Variants in TSR2 observed in about 807,000 individuals in gnomAD.
TSR2 encodes TSR2 ribosome maturation factor.
TSR2 carries 1 observed loss-of-function variant against 13.3 expected under a neutral mutation model. The ratio of observed to expected loss-of-function variants is 0.08; its 90% CI spans 0.03 to 0.36. TSR2 has a LOEUF of 0.36. Ranked by LOEUF, TSR2 falls within the 10% of genes least tolerant of loss-of-function variation. The pLI is 0.99. For synonymous variants in TSR2, 60 were observed against 57.7 expected, an observed-to-expected ratio of 1.04 and a Z score of -0.18; for missense variants, 120 against 151.1, an observed-to-expected ratio of 0.79 and a Z score of 1.08.
rs1922168723 is a variant in TSR2, at chrX:54,446,218, C to T, written c.*1668C>T. On this transcript the variant is annotated 3_prime_UTR_variant, in exon 5 of 5. Coordinates refer to ENST00000375151, the MANE Select transcript of TSR2 (RefSeq NM_058163.3). ...GTCCTCAGACAGTGTGGGCCCCGGG[C>T]AGAACGTGTCCCCTCGGCCCGCCCG... 1 of 1,211,862 alleles carries T rather than the reference C, an allele frequency of 8.3e-7. No homozygotes were observed. The highest frequency in any genetic ancestry group is 3.0e-5 in the East Asian group (1 of 33,844).
intron 3 of TSR2, 111 bp from the exon 4 acceptor site, chrX:54,443,897 T>A: frequency 9.4e-7 from 1 of 1,065,682 alleles, no homozygotes; most frequent in Non-Finnish European, 1.3e-6. Flanking sequence ...AGGAAAGAGC[T>A]CTGTTCTCTT....
rs781075991 is a variant in TSR2, at chrX:54,440,444, C to T, written c.23C>T (p.Ala8Val). MAGAAED[A>V]RALFRAGVCA... The stretch of plus-strand genomic sequence containing the variant: ...ATAATGGCGGGCGCTGCAGAAGATG[C>T]GCGAGCTCTTTTCCGGGCTGGGGTC... Residue 8 changes from alanine to valine, a missense_variant, in exon 1 of 5, where the codon GCG becomes GTG. By Grantham distance (64) the Ala-to-Val change is moderately conservative (BLOSUM62 0). Around this residue, in one of 3 missense-constraint regions of TSR2, gnomAD observed 53 missense variants for 52.3 expected, o/e 1.01. Coordinates refer to ENST00000375151, the MANE Select transcript of TSR2 (RefSeq NM_058163.3). 1.8e-6 allele frequency: 2 copies of T among 1,127,660 alleles called. No homozygotes were observed. Among genetic ancestry groups the T allele is most frequent in the Non-Finnish European group, 2.3e-6 (2 of 857,866 alleles). 92.9% of individuals were successfully genotyped at this position (1,127,660 alleles called of 1,213,427 possible). A position where few individuals can be genotyped will look rare whatever the true frequency, so the allele number is the denominator to read the frequency against.
Position 54,443,452 on chromosome X carries a change from C to T in TSR2, c.225C>T (p.Asn75=), listed in dbSNP as rs72620346. 143 of 1,205,562 alleles carry T rather than the reference C, an allele frequency of 1.2e-4. No homozygotes were observed. Among genetic ancestry groups the T allele is most frequent in the East Asian group, 6.9e-4 (23 of 33,448 alleles). ...ACTTCCTTGGAGAGCTGTTGACCAA[C>T]GAGTTTGATACAGTTGTGGAAGACG... ...VEDFLGELLT[N]EFDTVVEDGS... The change falls in exon 3 of 5, where the codon AAC becomes AAT. Residue 75 remains asparagine, a synonymous_variant. Transcript: ENST00000375151.
chrX:54,445,993 G>A lies in TSR2; in HGVS notation c.*1443G>A, dbSNP rs1175850817. ...CAAGACCCAGCATTCGGGATTGAAA[G>A]TGCCCGTGATGGGAGTTCAAGTATT... is the stretch of plus-strand genomic sequence containing the variant. On this transcript the variant is annotated 3_prime_UTR_variant, in exon 5 of 5. Transcript: ENST00000375151. The A allele has an allele frequency of 3.8e-6, 2 of 529,200 alleles. No individual in the cohort carries two copies. The highest frequency in any genetic ancestry group is 6.2e-6 in the Non-Finnish European group (2 of 325,193). The allele number at this position is 529,200 out of a possible 1,213,427, so 43.6% of individuals were successfully genotyped here.
chrX:54,444,199 C>T lies in TSR2; in HGVS notation c.441+15C>T. On this transcript the variant is annotated intron_variant, in intron 4 of 4. Coordinates refer to ENST00000375151, the MANE Select transcript of TSR2 (RefSeq NM_058163.3). The stretch of plus-strand genomic sequence containing the variant: ...AAGAGATGGAGGTGAAGTGGGTGCC[C>T]CCTGGGTTGGGGGATACAGATGTTT... 8.3e-7 allele frequency: 1 copy of T among 1,198,648 alleles called. No homozygotes were observed. Among genetic ancestry groups the T allele is most frequent in the Non-Finnish European group, 1.1e-6 (1 of 887,286 alleles).
intron 2 of TSR2, 117 bp from the exon 3 acceptor site, chrX:54,443,283 T>C: frequency 2.0e-6 from 1 of 505,476 alleles, no homozygotes; most frequent in South Asian, 3.0e-5. Flanking sequence ...GATAAAAGGC[T>C]CACTGTGCCT....
At chrX:54,442,983 G>A (rs1258430055) in intron 2 of TSR2, among the ~76,000 whole-genome samples, 1 of 111,515 alleles carries the variant, frequency 9.0e-6, no homozygotes, top group African/African-American at 3.3e-5. Context: ...AGAAAACTGA[G>A]GCTCAGAAAG....
chrX:54,446,431 CAG>C lies in TSR2; in HGVS notation c.*1884_*1885del. On this transcript the variant is annotated 3_prime_UTR_variant, in exon 5 of 5. Coordinates refer to ENST00000375151, the MANE Select transcript of TSR2 (RefSeq NM_058163.3). The stretch of plus-strand genomic sequence containing the variant: ...TTTCACATCCTGGCGGGAGGAGGGA[CAG>C]AGCTGGGGCCACCTTGGGGCTAGAC... 3 of 1,202,046 alleles carry C rather than the reference CAG, an allele frequency of 2.5e-6. No individual in the cohort carries two copies. The highest frequency in any genetic ancestry group is 3.4e-6 in the Non-Finnish European group (3 of 889,655).
chrX:54,442,702 CAG>C (rs1319593806), intron 2 of TSR2, among the ~76,000 whole-genome samples: 1 of 111,667 alleles, frequency 9.0e-6, no homozygotes, highest in East Asian at 2.8e-4. Context: ...GTGGCTCAGT[CAG>C]AGTCACACAG....
chrX:54,446,121 T>C lies in TSR2; in HGVS notation c.*1571T>C. On this transcript the variant is annotated 3_prime_UTR_variant, in exon 5 of 5. Coordinates refer to ENST00000375151, the MANE Select transcript of TSR2 (RefSeq NM_058163.3). ...TGTCCCAAACCCTCTAGGTCTTGTC[T>C]CGGGTCTGGGGGGATTCGGGGGGTT... is the stretch of plus-strand genomic sequence containing the variant. 1 of 1,207,882 alleles carries C rather than the reference T, an allele frequency of 8.3e-7. No individual in the cohort carries two copies. The highest frequency in any genetic ancestry group is 1.1e-6 in the Non-Finnish European group (1 of 893,790).
chrX:54,447,425 G>A lies in TSR2; in HGVS notation c.*2875G>A, dbSNP rs376823676. On this transcript the variant is annotated 3_prime_UTR_variant, in exon 5 of 5. Coordinates refer to ENST00000375151, the MANE Select transcript of TSR2 (RefSeq NM_058163.3). ...TGTAGTGCAGGAAGCTGCAGATGAC[G>A]CTGTTCTCTGCAGCCACTGAGGCCT... 3.6e-5 allele frequency: 43 copies of A among 1,208,924 alleles called. No homozygotes were observed. The highest frequency in any genetic ancestry group is 2.7e-4 in the East Asian group (9 of 33,759).
rs374472583 is a variant in TSR2 at position 54,440,774 on chromosome X, C to A, written c.166C>A (p.Arg56Ser). The A allele has an allele frequency of 2.5e-6, 3 of 1,187,671 alleles. No homozygotes were observed. Among genetic ancestry groups the A allele is most frequent in the Non-Finnish European group, 1.1e-6 (1 of 883,242 alleles). ...LGGAVEDYFM[R>S]NADLELDEVE... is the part of the protein sequence containing the mutation. The stretch of plus-strand genomic sequence containing the variant: ...GGGTGCAGTGGAGGATTACTTCATG[C>A]GCAATGGTGAGTGAATGTGAGGCGC... The change falls in exon 2 of 5, where the codon CGC (arginine) becomes AGC (serine). Residue 56 changes from arginine (R) to serine (S), a missense_variant. By Grantham distance (110) the Arg-to-Ser change is moderately radical. Coordinates refer to ENST00000375151, the MANE Select transcript of TSR2 (RefSeq NM_058163.3).
Position 54,447,513 on chromosome X carries a change from G to C in TSR2, c.*2963G>C. On this transcript the variant is annotated 3_prime_UTR_variant, in exon 5 of 5. Transcript: ENST00000375151. The stretch of plus-strand genomic sequence containing the variant: ...AGAAGGCCTAGCCTGGCTCCTCCTA[G>C]CTTTAATACCTCCTCAGTGTAGGGA... 9.0e-7 allele frequency: 1 copy of C among 1,109,601 alleles called. No individual in the cohort carries two copies. The allele number at this position is 1,109,601 out of a possible 1,213,427, so 91.4% of individuals were successfully genotyped here. A position where few individuals can be genotyped will look rare whatever the true frequency, so the allele number is the denominator to read the frequency against.
At position 54,440,491 on chromosome X, in the gene TSR2, C is replaced by G. The variant is rs1433316113; in HGVS notation, c.70C>G (p.Pro24Ala). The G allele has an allele frequency of 8.8e-7, 1 of 1,137,368 alleles. No individual in the cohort carries two copies. Among genetic ancestry groups the G allele is most frequent in the Non-Finnish European group, 1.2e-6 (1 of 861,783 alleles). 93.7% of individuals were successfully genotyped at this position (1,137,368 alleles called of 1,213,427 possible). ...AGVCAALEAW[P>A]ALQIAVENGF... ...GGTCTGCGCGGCCCTGGAGGCCTGG[C>G]CGGCCTTGCAGGTCAGTGGGGCCAG... is the stretch of plus-strand genomic sequence containing the variant. The change falls in exon 1 of 5, where the codon CCG becomes GCG. Residue 24 changes from proline to alanine, a missense_variant. This residue lies in a region of TSR2 where 53 missense variants were observed against 52.3 expected (regional missense o/e 1.01). Coordinates refer to ENST00000375151, the MANE Select transcript of TSR2 (RefSeq NM_058163.3).
Position 54,440,830 on chromosome X carries a change from G to A in TSR2, c.172+50G>A, listed in dbSNP as rs367997153. The A allele has an allele frequency of 1.6e-5, 16 of 999,018 alleles. No homozygotes were observed. In the African/African-American group the frequency reaches 2.9e-4, roughly 18 times the overall value. The allele number at this position is 999,018 out of a possible 1,213,427, so 82.3% of individuals were successfully genotyped here. The stretch of plus-strand genomic sequence containing the variant: ...CCCGCCTGTGTGGGGGTGTGGAGAG[G>A]AGGAGCCCCATCCCGCAGAGCCTGC... On this transcript the variant is annotated intron_variant, in intron 2 of 4. Transcript: ENST00000375151.
In TSR2 at chrX:54,444,564, G is replaced by C. The variant is rs1280863240; in HGVS notation, c.*14G>C. On this transcript the variant is annotated 3_prime_UTR_variant, in exon 5 of 5. Transcript: ENST00000375151. ...AGAAAAAAATGAGTGGGGATGATTGGAAATGGCTTTGGGCCCTTATTTGCT... is the reference window on the plus strand; with the variant it reads ...AGAAAAAAATGAGTGGGGATGATTGCAAATGGCTTTGGGCCCTTATTTGCT... 8.3e-7 allele frequency: 1 copy of C among 1,208,242 alleles called. No individual in the cohort carries two copies. Among genetic ancestry groups the C allele is most frequent in the South Asian group, 1.8e-5 (1 of 56,427 alleles).
At position 54,447,013 on chromosome X, in the gene TSR2, T is replaced by G. The variant is rs1466109896; in HGVS notation, c.*2463T>G. ...TGCTGGGATTACAGGCGTGAGCCACTGCGCTCGGTCCCATCTGCATACTCT... is the reference window on the plus strand; with the variant it reads ...TGCTGGGATTACAGGCGTGAGCCACGGCGCTCGGTCCCATCTGCATACTCT... On this transcript the variant is annotated 3_prime_UTR_variant, in exon 5 of 5. Transcript: ENST00000375151. Among the ~76,000 whole-genome samples, 1 of 111,462 alleles carries G rather than the reference T, an allele frequency of 9.0e-6. No individual in the cohort carries two copies. The highest frequency in any genetic ancestry group is 1.9e-5 in the Non-Finnish European group (1 of 53,071).
chrX:54,440,620 G>C lies in TSR2; in HGVS notation c.82-70G>C, dbSNP rs777024740. 45 of 1,146,354 alleles carry C rather than the reference G, an allele frequency of 3.9e-5. No individual in the cohort carries two copies. In the East Asian group the frequency reaches 1.4e-3, roughly 35 times the overall value. The allele number at this position is 1,146,354 out of a possible 1,213,427, so 94.5% of individuals were successfully genotyped here. On this transcript the variant is annotated intron_variant, in intron 1 of 4. Transcript: ENST00000375151. ...GCATAAGAGGAGTTGGCTGGGCGGCGTAAGCGGCCTCCAGGCTACTCCAGG... is the reference window on the plus strand; with the variant it reads ...GCATAAGAGGAGTTGGCTGGGCGGCCTAAGCGGCCTCCAGGCTACTCCAGG...
chrX:54,442,526 A>G (rs1921973077), intron 2 of TSR2, among the ~76,000 whole-genome samples: 1 of 111,739 alleles, frequency 8.9e-6, no homozygotes, highest in Non-Finnish European at 1.9e-5. Context: ...TTCGGGGGAT[A>G]TTAAGTTTGA....
Sources: gnomAD v4.1 joint callset for allele counts (sites outside exome capture counted in the v4.1 genomes callset) on GRCh38, gnomAD v4.1.1 for gene constraint, gnomAD v4.1.1 regional missense constraint, MANE v1.5 for transcripts, NCBI Gene and HGNC (gene_info 2026-07-23, HGNC 2026-07-21) for gene names.